The following SPAG16 variants were observed in gnomAD, a reference collection of about 807,000 sequenced individuals.
The protein encoded by SPAG16 is sperm associated antigen 16.
Under a neutral mutation model 80.4 loss-of-function variants are expected in SPAG16, and 86 were observed. The ratio of observed to expected loss-of-function variants is 1.07; its 90% CI spans 0.90 to 1.28. The LOEUF (loss-of-function observed/expected upper bound fraction) is 1.28, where lower values mean the gene tolerates loss of function less well. Ranked by LOEUF, SPAG16 falls within the 50% of genes most tolerant of loss-of-function variation. The probability of loss-of-function intolerance (pLI) is 0.00; values close to 1 mark genes in which losing one functional copy is unlikely to be tolerated. For missense variants in SPAG16, 870 were observed against 765.3 expected, an observed-to-expected ratio of 1.14 and a Z score of -1.61; for synonymous variants, 294 against 265.9, an observed-to-expected ratio of 1.11 and a Z score of -1.03.
chr2:213,902,708 T>G (rs1056893254), intron 11 of SPAG16, among the ~76,000 whole-genome samples: 1 of 152,114 alleles, frequency 6.6e-6, no homozygotes, highest in African/African-American at 2.4e-5. Context: ...AATCATGCCT[T>G]CTCAACAGTC....
chr2:213,495,129 A>G (rs1323991716), intron 10 of SPAG16, among the ~76,000 whole-genome samples: 2 of 152,162 alleles, frequency 1.3e-5, no homozygotes, highest in Non-Finnish European at 2.9e-5. Flanking sequence ...AGATGGGTAG[A>G]TGCTCACCAA....
At chr2:214,180,774 A>T (rs2057285806) in intron 15 of SPAG16, among the ~76,000 whole-genome samples, 1 of 151,722 alleles carries the variant, frequency 6.6e-6, no homozygotes, top group Non-Finnish European at 1.5e-5. Context: ...TTCCAGGATT[A>T]GATTTTTCTT....
At chr2:214,095,979 T>C (rs980578377) in intron 13 of SPAG16, among the ~76,000 whole-genome samples, 2 of 151,876 alleles carry the variant, frequency 1.3e-5, no homozygotes, top group African/African-American at 4.8e-5. Flanking sequence ...AAGTCAATAA[T>C]AATGTAAAAC....
intron 15 of SPAG16, among the ~76,000 whole-genome samples, chr2:214,271,319 C>T (rs1193912679): frequency 1.3e-5 from 2 of 152,118 alleles, no homozygotes; most frequent in East Asian, 3.9e-4. Context: ...TAAAATTTTT[C>T]CCCATCAAAG....
At chr2:213,748,887 G>A (rs921455112) in intron 10 of SPAG16, among the ~76,000 whole-genome samples, 1 of 152,126 alleles carries the variant, frequency 6.6e-6, no homozygotes, top group East Asian at 1.9e-4. Flanking sequence ...GGTGGCACAC[G>A]TCTGTAATCC....
At chr2:213,369,706 A>G (rs959198261) in intron 8 of SPAG16, among the ~76,000 whole-genome samples, 2 of 152,062 alleles carry the variant, frequency 1.3e-5, no homozygotes, top group Admixed American at 1.3e-4. Flanking sequence ...AGCTGAATTC[A>G]TTTTTTAAAA....
chr2:213,728,987 A>G (rs1160364602), intron 10 of SPAG16, among the ~76,000 whole-genome samples: 1 of 150,658 alleles, frequency 6.6e-6, no homozygotes, highest in Admixed American at 6.7e-5. Context: ...GATGTACTGG[A>G]AAATGTCCCA....
intron 12 of SPAG16, among the ~76,000 whole-genome samples, chr2:213,930,506 A>G (rs1279309325): frequency 6.6e-6 from 1 of 152,194 alleles, no homozygotes; most frequent in Admixed American, 6.5e-5. Flanking sequence ...GCTCTGTACT[A>G]TTAAATGTAA....
At chr2:213,807,924 T>G (rs986122839) in intron 10 of SPAG16, among the ~76,000 whole-genome samples, 1 of 152,190 alleles carries the variant, frequency 6.6e-6, no homozygotes, top group African/African-American at 2.4e-5. Flanking sequence ...TATTTTCTAT[T>G]TATTGTTTCA....
intron 10 of SPAG16, among the ~76,000 whole-genome samples, chr2:213,509,499 C>A (rs942781332): frequency 3.3e-5 from 5 of 152,182 alleles, no homozygotes; most frequent in African/African-American, 9.7e-5. Context: ...ACACTTTCAT[C>A]CATCTGTCCA....
intron 3 of SPAG16, among the ~76,000 whole-genome samples, chr2:213,301,115 C>G (rs2062724617): frequency 6.6e-6 from 1 of 152,140 alleles, no homozygotes; most frequent in Non-Finnish European, 1.5e-5. Flanking sequence ...TGTTAACTCT[C>G]ACATCATAAT....
chr2:213,834,253 A>T (rs1253800647), intron 10 of SPAG16, among the ~76,000 whole-genome samples: 1 of 152,166 alleles, frequency 6.6e-6, no homozygotes, highest in Admixed American at 6.5e-5. Context: ...ATTAAAACAG[A>T]CTAATACAAC....
chr2:213,745,090 T>C (rs966477114), intron 10 of SPAG16, among the ~76,000 whole-genome samples: 22 of 152,224 alleles, frequency 1.4e-4, no homozygotes, highest in Non-Finnish European at 2.9e-5. Context: ...CAACTTCTAT[T>C]TGTGAATTAG....
At position 213,768,477 on chromosome 2, in the gene SPAG16, G is replaced by A. The variant is rs139998898; in HGVS notation, c.1071-94008G>A. Among the ~76,000 whole-genome samples, 4 of 152,206 alleles carry A rather than the reference G, an allele frequency of 2.6e-5. No individual in the cohort carries two copies. In the East Asian group the frequency reaches 7.7e-4, roughly 29 times the overall value. Reference sequence around the variant, plus strand: ...TTAGACTAGTAGACTTCACAAGACAGCACTATATATGAATACAAGTAAATC... The same window carrying A: ...TTAGACTAGTAGACTTCACAAGACAACACTATATATGAATACAAGTAAATC... On this transcript the variant is annotated intron_variant, in intron 10 of 15. Transcript: ENST00000331683.
intron 15 of SPAG16, among the ~76,000 whole-genome samples, chr2:214,221,343 G>A (rs949083430): frequency 6.6e-5 from 10 of 151,804 alleles, no homozygotes; most frequent in African/African-American, 2.2e-4. Flanking sequence ...TCTAATATCC[G>A]AGGCTTTGTT....
At chr2:214,001,215 C>T (rs894991579) in intron 12 of SPAG16, among the ~76,000 whole-genome samples, 1 of 152,026 alleles carries the variant, frequency 6.6e-6, no homozygotes, top group Non-Finnish European at 1.5e-5. Context: ...GAAGTTATTC[C>T]CAAGCATCTT....
intron 10 of SPAG16, chr2:213,758,071 T>G (rs193133083): frequency 2.0e-5 from 3 of 151,548 alleles, no homozygotes; most frequent in Admixed American, 6.5e-5. Flanking sequence ...AGTTACTAAG[T>G]GTAAACTTAA....
chr2:214,046,394 T>A (rs1454267698), intron 13 of SPAG16, among the ~76,000 whole-genome samples: 1 of 151,996 alleles, frequency 6.6e-6, no homozygotes, highest in Middle Eastern at 3.2e-3. Context: ...CAAAGATACA[T>A]CAAAAAAGGA....
chr2:213,740,893 G>C (rs975128186), intron 10 of SPAG16, among the ~76,000 whole-genome samples: 2 of 152,152 alleles, frequency 1.3e-5, no homozygotes, highest in Admixed American at 1.3e-4. Flanking sequence ...TGACTGCTGA[G>C]GCAATAGAAA....
Sources: gnomAD v4.1 joint callset for allele counts (sites outside exome capture counted in the v4.1 genomes callset) on GRCh38, gnomAD v4.1.1 for gene constraint, MANE v1.5 for transcripts, NCBI Gene and HGNC (gene_info 2026-07-23, HGNC 2026-07-21) for gene names.